KDM4B: variants seen among roughly 807,000 people sequenced by gnomAD.
The protein encoded by KDM4B is lysine-specific demethylase 4B.
A neutral mutation model predicts 125.2 loss-of-function variants in KDM4B; 32 were observed. The observed-to-expected ratio is 0.26, with a 90% CI of 0.19 to 0.34. The LOEUF (loss-of-function observed/expected upper bound fraction) is 0.34, where lower values mean the gene tolerates loss of function less well. Among genes scored for constraint, KDM4B ranks in the 10% least tolerant of loss-of-function variants. The pLI, the probability that KDM4B is intolerant of heterozygous loss-of-function variation, is 1.00. For synonymous variants in KDM4B, 721 were observed against 677.9 expected (o/e 1.06, Z -0.99); for missense variants, 1,190 against 1,577.7 (o/e 0.75, Z 4.16).
At position 5,119,306 on chromosome 19, in the gene KDM4B, T is replaced by G. The variant is rs542729830; in HGVS notation, c.1116-347T>G. On this transcript the variant is annotated intron_variant, in intron 10 of 22. Transcript: ENST00000159111. ...GGAGCTCACACTCCCTGTGTCTCTG[T>G]CCCGTGGCACACGCGGCTCCTGCCG... 1.9e-5 allele frequency: 18 copies of G among 960,888 alleles called. No homozygotes were observed. In the Admixed American group the frequency reaches 3.1e-4, roughly 17 times the overall value. 59.5% of individuals were successfully genotyped at this position (960,888 alleles called of 1,614,324 possible). A position where few individuals can be genotyped will look rare whatever the true frequency, so the allele number is the denominator to read the frequency against.
chr19:5,058,537 G>C (rs536652104), intron 6 of KDM4B, among the ~76,000 whole-genome samples: 2 of 152,362 alleles, frequency 1.3e-5, no homozygotes, highest in African/African-American at 4.8e-5. Flanking sequence ...GGAGGATGGA[G>C]TGGCTGTAGG....
At chr19:5,095,513 G>C (rs1342779302) in intron 9 of KDM4B, among the ~76,000 whole-genome samples, 4 of 152,242 alleles carry the variant, frequency 2.6e-5, no homozygotes, top group Admixed American at 2.0e-4. Context: ...AGCCCACTGT[G>C]TCTGCAGGTG....
At chr19:5,090,130 C>T (rs1196704708) in intron 9 of KDM4B, among the ~76,000 whole-genome samples, 1 of 152,190 alleles carries the variant, frequency 6.6e-6, no homozygotes. Context: ...TCCTGGAAGC[C>T]CAGCCCAGCA....
intron 9 of KDM4B, among the ~76,000 whole-genome samples, chr19:5,106,357 G>T (rs1233522818): frequency 6.6e-6 from 1 of 152,204 alleles, no homozygotes; most frequent in Non-Finnish European, 1.5e-5. Flanking sequence ...CTAGCAGGGG[G>T]AGATTAGGGA....
intron 9 of KDM4B, among the ~76,000 whole-genome samples, chr19:5,086,214 C>T (rs973356327): frequency 2.0e-5 from 3 of 151,738 alleles, no homozygotes; most frequent in Non-Finnish European, 4.4e-5. Flanking sequence ...CCCGTTGTCC[C>T]CTTTCTGTCA....
chr19:5,085,217 C>G (rs1232376469), intron 9 of KDM4B, among the ~76,000 whole-genome samples: 1 of 152,184 alleles, frequency 6.6e-6, no homozygotes, highest in Non-Finnish European at 1.5e-5. Context: ...TTCAGAAAGT[C>G]TCGAATGTCT....
chr19:5,108,817 T>A (rs142638480), intron 9 of KDM4B, among the ~76,000 whole-genome samples: 3 of 152,038 alleles, frequency 2.0e-5, no homozygotes, highest in Non-Finnish European at 4.4e-5. Context: ...TTGGCAGAGG[T>A]CGGGGCAGCC....
chr19:5,025,640 G>C (rs922849226), intron 2 of KDM4B, among the ~76,000 whole-genome samples: 4 of 152,162 alleles, frequency 2.6e-5, no homozygotes, highest in Non-Finnish European at 4.4e-5. Flanking sequence ...GTCTAGCCTC[G>C]ATCCTGCCGC....
chr19:5,131,573 G>A (rs1475578741), intron 12 of KDM4B, 28 bp downstream of exon 12: 4 of 859,092 alleles, frequency 4.7e-6, no homozygotes, highest in Non-Finnish European at 5.1e-6. Flanking sequence ...AGGCAGGGAG[G>A]AGGGGGGCAG....
Position 5,151,339 on chromosome 19 carries a change from T to G in KDM4B, c.3119T>G (p.Leu1040Arg), listed in dbSNP as rs1170580563. The G allele has an allele frequency of 4.5e-6, 7 of 1,542,548 alleles. No homozygotes were observed. The East Asian group carries it at 1.5e-4, about 33-fold the overall frequency. Residue 1040 changes from leucine to arginine, a missense_variant, in exon 23 of 23, where the codon CTG (leucine) becomes CGG (arginine). This residue lies in a region of KDM4B where 109 missense variants were observed against 93.8 expected (regional missense o/e 1.16). Coordinates refer to ENST00000159111, the MANE Select transcript of KDM4B (RefSeq NM_015015.3). Reference protein sequence around the residue: ...LPKRVRSRLSLSTGAPQEPAF... With the variant: ...LPKRVRSRLSRSTGAPQEPAF... ...TGTGCTTCCGCTCTCCCGCAGTCAC[T>G]GAGCACGGGGGCACCGCAGGAGCCC...
rs985134913 is a variant in KDM4B, at chr19:5,035,457, C to T, written c.141+2426C>T. On this transcript the variant is annotated intron_variant, in intron 3 of 22. Coordinates refer to ENST00000159111, the MANE Select transcript of KDM4B (RefSeq NM_015015.3). This position sits in a 1 kb window ranked among gnomAD's most constrained non-coding sequence, Gnocchi z 5.3. ...TCACCTCCCACCGGGCTCCATGCCC[C>T]GGTGTTTCCGGCTCTCTCTGCCCTC... 3.9e-5 allele frequency among the ~76,000 whole-genome samples: 6 copies of T among 152,182 alleles called. No individual in the cohort carries two copies. Among genetic ancestry groups the T allele is most frequent in the African/African-American group, 7.2e-5 (3 of 41,438 alleles).
In KDM4B at chr19:5,141,709, G is replaced by C. The variant is rs977263325; in HGVS notation, c.2551-2258G>C. Among the ~76,000 whole-genome samples, 31 of 152,280 alleles carry C rather than the reference G, an allele frequency of 2.0e-4. No individual in the cohort carries two copies. The highest frequency in any genetic ancestry group is 3.8e-4 in the Non-Finnish European group (26 of 68,006). ...CAGTCCTGGTGAGTCAGGGGGCTCC[G>C]GCTGGCCGCCCGCCTGGGCCAAGTT... is the stretch of plus-strand genomic sequence containing the variant. On this transcript the variant is annotated intron_variant, in intron 18 of 22. Transcript: ENST00000159111. The surrounding 1 kb of genome is among the most constrained non-coding windows in gnomAD (Gnocchi z 6.4).
intron 6 of KDM4B, among the ~76,000 whole-genome samples, chr19:5,062,380 T>C (rs1338729428): frequency 6.6e-6 from 1 of 152,236 alleles, no homozygotes; most frequent in Admixed American, 6.5e-5. Flanking sequence ...CCTTTCCTGC[T>C]GCTGGCGACT....
At chr19:5,100,254 C>T (rs117042195) in intron 9 of KDM4B, among the ~76,000 whole-genome samples, 3,059 of 152,350 alleles carry the variant, frequency 0.02, 40 homozygotes, top group Non-Finnish European at 0.029. Flanking sequence ...TCCCATGATT[C>T]TGGTAAACTT....
chr19:5,110,068 C>T (rs371251767), intron 9 of KDM4B, among the ~76,000 whole-genome samples: 4 of 152,162 alleles, frequency 2.6e-5, no homozygotes, highest in Admixed American at 6.5e-5. Context: ...CACTGAGCTG[C>T]GCCCAGCCCC....
intron 2 of KDM4B, among the ~76,000 whole-genome samples, chr19:5,031,651 C>A (rs753423135): frequency 1.3e-5 from 2 of 152,202 alleles, no homozygotes; most frequent in Non-Finnish European, 2.9e-5. Context: ...GGGGTGGACC[C>A]AAGGCAGTAG....
intron 1 of KDM4B, among the ~76,000 whole-genome samples, chr19:4,999,589 A>G (rs370029048): frequency 6.6e-6 from 1 of 152,164 alleles, no homozygotes; most frequent in Non-Finnish European, 1.5e-5. Context: ...CATCTTACAC[A>G]CATGTACATT....
chr19:5,134,339 G>A (rs1001606779), intron 14 of KDM4B, among the ~76,000 whole-genome samples: 2 of 152,158 alleles, frequency 1.3e-5, no homozygotes, highest in Non-Finnish European at 2.9e-5. Flanking sequence ...CTCAGGGAGC[G>A]CCCGTGTCTG....
chr19:5,021,473 T>A (rs1306751459), intron 2 of KDM4B, among the ~76,000 whole-genome samples: 2 of 151,904 alleles, frequency 1.3e-5, no homozygotes, highest in Non-Finnish European at 2.9e-5. Flanking sequence ...CATGTACCTG[T>A]GGGGCGGGAG....
Sources: gnomAD v4.1 joint callset for allele counts (sites outside exome capture counted in the v4.1 genomes callset) on GRCh38, gnomAD v4.1.1 for gene constraint, gnomAD v4.1.1 regional missense constraint, Gnocchi (gnomAD v3.1) non-coding constraint, MANE v1.5 for transcripts, NCBI Gene and HGNC (gene_info 2026-07-23, HGNC 2026-07-21) for gene names.